The following RXRA variants were observed in gnomAD, a reference collection of about 807,000 sequenced individuals.
The protein encoded by RXRA is retinoic acid receptor RXR-alpha.
RXRA carries 5 observed loss-of-function variants against 44.5 expected under a neutral mutation model. The observed-to-expected ratio is 0.11, with a 90% CI of 0.06 to 0.24. RXRA has a LOEUF of 0.24. RXRA is among the 10% of genes least tolerant of loss of function. The probability of loss-of-function intolerance (pLI) is 1.00; values close to 1 mark genes in which losing one functional copy is unlikely to be tolerated. For missense variants in RXRA, 412 were observed against 646.5 expected (o/e 0.64, Z 3.93); for synonymous variants, 291 against 271.4 (o/e 1.07, Z -0.71).
At chr9:134,357,448 A>G (rs1254151068) in intron 1 of RXRA, among the ~76,000 whole-genome samples, 1 of 151,862 alleles carries the variant, frequency 6.6e-6, no homozygotes, top group Non-Finnish European at 1.5e-5. Context: ...TGGGCCTCAG[A>G]TTTCTCGCCT....
intron 1 of RXRA, among the ~76,000 whole-genome samples, chr9:134,368,882 TGAGTGCA>T (rs1830448968): frequency 2.0e-5 from 2 of 98,214 alleles, no homozygotes; most frequent in African/African-American, 3.9e-5. Flanking sequence ...GTTATGTGTG[TGAGTGCA>T]GGGGTTATGT....
intron 1 of RXRA, among the ~76,000 whole-genome samples, chr9:134,355,781 C>T (rs532859924): frequency 2.0e-5 from 3 of 152,180 alleles, no homozygotes; most frequent in South Asian, 2.1e-4. Flanking sequence ...GGACCTGGCC[C>T]GTTGTGCAAC....
At chr9:134,338,084 C>A (rs1228746558) in intron 1 of RXRA, among the ~76,000 whole-genome samples, 1 of 152,166 alleles carries the variant, frequency 6.6e-6, no homozygotes, top group African/African-American at 2.4e-5. Context: ...CCACAGACGA[C>A]GTAGGGCTCA....
At chr9:134,326,878 G>A (rs1834922456) in intron 1 of RXRA, among the ~76,000 whole-genome samples, 1 of 147,652 alleles carries the variant, frequency 6.8e-6, no homozygotes, top group Non-Finnish European at 1.5e-5. Flanking sequence ...CAGCGGGCGG[G>A]CGGCGGGGCC....
chr9:134,436,426 C>G, intron 9 of RXRA, 41 bp from the exon 10 acceptor site: 1 of 1,606,348 alleles, frequency 6.2e-7, no homozygotes, highest in Non-Finnish European at 8.5e-7. Context: ...CAGAACTGCC[C>G]ATGCCCCTTG....
intron 5 of RXRA, 141 bp from the exon 6 acceptor site, chr9:134,421,535 G>T: frequency 1.0e-6 from 1 of 959,348 alleles, no homozygotes; most frequent in South Asian, 1.6e-5. Flanking sequence ...CAGGTTCTGG[G>T]GATTGGGGCC....
intron 9 of RXRA, among the ~76,000 whole-genome samples, chr9:134,436,000 T>C (rs1403927587): frequency 6.6e-6 from 1 of 152,172 alleles, no homozygotes; most frequent in African/African-American, 2.4e-5. Context: ...CCACCACGCC[T>C]TGCTACTGTT....
chr9:134,424,905 G>T (rs368963595), intron 6 of RXRA: 1 of 985,434 alleles, frequency 1.0e-6, no homozygotes, highest in Non-Finnish European at 1.2e-6. Flanking sequence ...GCCCAGCTCC[G>T]GCAGGTGCCA....
At chr9:134,337,211 C>G (rs1830021029) in intron 1 of RXRA, among the ~76,000 whole-genome samples, 1 of 152,200 alleles carries the variant, frequency 6.6e-6, no homozygotes, top group African/African-American at 2.4e-5. Context: ...CCTTCCTTTG[C>G]TGGTAAGCAT....
rs186155884 is a variant in RXRA, at chr9:134,357,420, G to C, written c.28+30761G>C. Among the ~76,000 whole-genome samples, 1,048 of 152,302 alleles carry C rather than the reference G, an allele frequency of 6.9e-3. 9 individuals carry two copies. Among genetic ancestry groups the C allele is most frequent in the African/African-American group, 0.024 (977 of 41,560 alleles). On this transcript the variant is annotated intron_variant, in intron 1 of 9. Coordinates refer to ENST00000481739, the MANE Select transcript of RXRA (RefSeq NM_002957.6). ...ACCTTGGCCCCTCTGCTGTAGCCGC[G>C]TGAAGTCAGGCGCTTTGTGGGCCTC...
chr9:134,391,309 A>T (rs1161971454), intron 1 of RXRA, among the ~76,000 whole-genome samples: 3 of 152,176 alleles, frequency 2.0e-5, no homozygotes, highest in African/African-American at 4.8e-5. Context: ...GGCCGTGCAC[A>T]TGAAGGTGGA....
At chr9:134,374,397 C>T (rs1386418055) in intron 1 of RXRA, among the ~76,000 whole-genome samples, 2 of 152,190 alleles carry the variant, frequency 1.3e-5, no homozygotes, top group Admixed American at 6.5e-5. Flanking sequence ...GCTCTGGTCC[C>T]CAGCTGTCCT....
intron 1 of RXRA, among the ~76,000 whole-genome samples, chr9:134,344,117 T>G (rs1830120198): frequency 6.6e-6 from 1 of 152,144 alleles, no homozygotes; most frequent in Non-Finnish European, 1.5e-5. Flanking sequence ...TAGGCCTGAG[T>G]CCAGCGTTCC....
At chr9:134,436,379 C>T in intron 9 of RXRA, 88 bp from the exon 10 acceptor site, 2 of 1,359,596 alleles carry the variant, frequency 1.5e-6, no homozygotes, top group Non-Finnish European at 2.1e-6. Context: ...GGGTATCAGA[C>T]ACAGCCCCAT....
intron 9 of RXRA, among the ~76,000 whole-genome samples, chr9:134,435,230 G>A (rs1267670714): frequency 6.6e-6 from 1 of 152,194 alleles, no homozygotes; most frequent in African/African-American, 2.4e-5. Flanking sequence ...GAGGGGCCGT[G>A]TGGAGAGACT....
At chr9:134,360,121 TTACC>T (rs1035671098) in intron 1 of RXRA, among the ~76,000 whole-genome samples, 4 of 152,236 alleles carry the variant, frequency 2.6e-5, no homozygotes, top group Middle Eastern at 3.4e-3. Flanking sequence ...CCCCAGGGCT[TTACC>T]TAAGGCCCCC....
rs1197524177 is a variant in RXRA at position 134,429,071 on chromosome 9, C to T, written c.911-37C>T. 11 of 1,611,352 alleles carry T rather than the reference C, an allele frequency of 6.8e-6. No homozygotes were observed. The South Asian group carries it at 1.1e-4, about 16-fold the overall frequency. On this transcript the variant is annotated intron_variant, in intron 6 of 9. Coordinates refer to ENST00000481739, the MANE Select transcript of RXRA (RefSeq NM_002957.6). ...GGGGAAGGGGCGAGCCCCGTGGGGC[C>T]TGGAGACAGCTGAGTGACTGTGTGC...
chr9:134,395,043 CG>C (rs1316423975), intron 1 of RXRA, among the ~76,000 whole-genome samples: 1 of 152,228 alleles, frequency 6.6e-6, no homozygotes, highest in African/African-American at 2.4e-5. Context: ...AGGCAGAGGC[CG>C]GACAGGAGTC....
Position 134,365,074 on chromosome 9 carries a change from T to TTCC in RXRA, c.29-36557_29-36555dup, listed in dbSNP as rs1050578298. On this transcript the variant is annotated intron_variant, in intron 1 of 9. Coordinates refer to ENST00000481739, the MANE Select transcript of RXRA (RefSeq NM_002957.6). This position sits in a 1 kb window ranked among gnomAD's most constrained non-coding sequence, Gnocchi z 4.0. The stretch of plus-strand genomic sequence containing the variant: ...GGCCCACAGCTTCTGGGGAGAGCGT[T>TTCC]TCCCAAGGTGGGGTCTGGTGCTGGC... Among the ~76,000 whole-genome samples the TTCC allele has an allele frequency of 1.3e-5, 2 of 152,156 alleles. No homozygotes were observed. Among genetic ancestry groups the TTCC allele is most frequent in the African/African-American group, 4.8e-5 (2 of 41,432 alleles).
Sources: gnomAD v4.1 joint callset for allele counts (sites outside exome capture counted in the v4.1 genomes callset) on GRCh38, gnomAD v4.1.1 for gene constraint, Gnocchi (gnomAD v3.1) non-coding constraint, MANE v1.5 for transcripts, NCBI Gene and HGNC (gene_info 2026-07-23, HGNC 2026-07-21) for gene names.